Variants in FAM3D observed in about 807,000 individuals in gnomAD.
FAM3D encodes the protein FAM3 metabolism regulating signaling molecule D.
Under a neutral mutation model 29.8 loss-of-function variants are expected in FAM3D, and 26 were observed. The observed-to-expected ratio is 0.87, with a 90% CI of 0.64 to 1.21. The LOEUF (loss-of-function observed/expected upper bound fraction) is 1.21, where lower values mean the gene tolerates loss of function less well. FAM3D is among the 50% of genes most tolerant of loss of function. FAM3D has a pLI of 0.00. For missense variants in FAM3D, 253 were observed against 290.9 expected, an observed-to-expected ratio of 0.87 and a Z score of 0.95; for synonymous variants, 115 against 102.3, an observed-to-expected ratio of 1.12 and a Z score of -0.75.
rs1317201889 is a variant in FAM3D, at chr3:58,655,566, T to C, written c.-3A>G. On this transcript the variant is annotated 5_prime_UTR_variant, in exon 2 of 10. Coordinates refer to ENST00000358781, the MANE Select transcript of FAM3D (RefSeq NM_138805.3). Reference sequence around the variant, plus strand: ...CAGAGCCTACCTGACACTCTCATCCTGTCCAGGTGAAGGGTGGCTTGGGGT... The same window carrying C: ...CAGAGCCTACCTGACACTCTCATCCCGTCCAGGTGAAGGGTGGCTTGGGGT... 2 of 1,613,320 alleles carry C rather than the reference T, an allele frequency of 1.2e-6. No homozygotes were observed. Among genetic ancestry groups the C allele is most frequent in the Non-Finnish European group, 1.7e-6 (2 of 1,179,656 alleles).
rs9817719 is a variant in FAM3D at position 58,643,803 on chromosome 3, A to G, written c.264-83T>C. ...GCTCTCCCAGCTGGGGAACTCCGTG[A>G]GGACCCACATAAGCAATGCAGAAGC... On this transcript the variant is annotated intron_variant, in intron 5 of 9. Transcript: ENST00000358781. The G allele has an allele frequency of 7.8e-4, 987 of 1,271,620 alleles. 9 individuals are homozygous for G. In the African/African-American group the frequency reaches 0.013, roughly 17 times the overall value. 78.8% of individuals were successfully genotyped at this position (1,271,620 alleles called of 1,614,324 possible).
At chr3:58,654,617 C>T (rs1373405) in intron 2 of FAM3D, among the ~76,000 whole-genome samples, 29,396 of 152,148 alleles carry the variant, frequency 0.19, 3,279 homozygotes, top group East Asian at 0.42. Context: ...CTGAATCAGA[C>T]CCACCCATTC....
intron 1 of FAM3D, among the ~76,000 whole-genome samples, chr3:58,662,318 G>T (rs1867424): frequency 6.6e-6 from 1 of 151,834 alleles, no homozygotes; most frequent in Non-Finnish European, 1.5e-5. Flanking sequence ...TAACCAACGT[G>T]GTGGCCTCCA....
chr3:58,661,285 A>G (rs1181716366), intron 1 of FAM3D, among the ~76,000 whole-genome samples: 1 of 152,150 alleles, frequency 6.6e-6, no homozygotes, highest in East Asian at 1.9e-4. Flanking sequence ...GGCTCAGCCA[A>G]GGTGAGGGAG....
At chr3:58,664,649 C>T (rs1388806904) in intron 1 of FAM3D, among the ~76,000 whole-genome samples, 2 of 152,210 alleles carry the variant, frequency 1.3e-5, no homozygotes, top group South Asian at 2.1e-4. Flanking sequence ...GGCAACTTGC[C>T]TAAGGTCACA....
chr3:58,641,503 C>T (rs1002283545), intron 6 of FAM3D, among the ~76,000 whole-genome samples: 2 of 151,898 alleles, frequency 1.3e-5, no homozygotes, highest in Admixed American at 6.6e-5. Context: ...TACAGGTGTG[C>T]GCCACCACAC....
At chr3:58,664,636 A>G (rs1421338736) in intron 1 of FAM3D, among the ~76,000 whole-genome samples, 2 of 152,248 alleles carry the variant, frequency 1.3e-5, no homozygotes, top group African/African-American at 2.4e-5. Context: ...AGCCAATAAG[A>G]TAGGCAACTT....
rs750817189 is a variant in FAM3D, at chr3:58,649,349, G to A, written c.122-11C>T. 5.6e-6 allele frequency: 9 copies of A among 1,613,722 alleles called. No individual in the cohort carries two copies. The highest frequency in any genetic ancestry group is 7.6e-6 in the Non-Finnish European group (9 of 1,179,800). On this transcript the variant is annotated splice_polypyrimidine_tract_variant and intron_variant, in intron 3 of 9. Transcript: ENST00000358781. ...TGGTGGGCGAGGCTGCTGGAGAGAA[G>A]ACAGAATCTGGTTAGAGGAAAAGCA...
At chr3:58,661,598 T>C (rs1232342050) in intron 1 of FAM3D, among the ~76,000 whole-genome samples, 1 of 152,192 alleles carries the variant, frequency 6.6e-6, no homozygotes, top group Non-Finnish European at 1.5e-5. Context: ...GGCCTGGGAA[T>C]TGGGAGTCTG....
chr3:58,661,626 G>C (rs749356595), intron 1 of FAM3D, among the ~76,000 whole-genome samples: 2 of 152,232 alleles, frequency 1.3e-5, no homozygotes, highest in East Asian at 3.9e-4. Context: ...TGGTGGCTAA[G>C]AGTGGGGGCT....
intron 5 of FAM3D, 56 bp from the exon 6 acceptor site, chr3:58,643,776 C>G: frequency 6.5e-7 from 1 of 1,548,458 alleles, no homozygotes; most frequent in Non-Finnish European, 8.9e-7. Context: ...AATGAACACT[C>G]TGCTCTCCCA....
intron 2 of FAM3D, among the ~76,000 whole-genome samples, chr3:58,654,001 G>A (rs1575488131): frequency 6.6e-6 from 1 of 152,250 alleles, no homozygotes; most frequent in Admixed American, 6.5e-5. Context: ...ATTGCCCCAA[G>A]TGGGTCCCCT....
intron 5 of FAM3D, 31 bp downstream of exon 5, chr3:58,645,478 A>G: frequency 6.9e-7 from 1 of 1,457,902 alleles, no homozygotes; most frequent in African/African-American, 1.4e-5. Flanking sequence ...AAATAAAATA[A>G]AATAAACATA....
At chr3:58,647,008 G>T (rs923146910) in intron 4 of FAM3D, among the ~76,000 whole-genome samples, 27 of 152,268 alleles carry the variant, frequency 1.8e-4, no homozygotes, top group Admixed American at 6.5e-4. Context: ...CTGGTGCCAG[G>T]CTTGGTGAGC....
chr3:58,636,118 C>A (rs1050555735), intron 9 of FAM3D, among the ~76,000 whole-genome samples, 176 bp downstream of exon 9: 8 of 152,202 alleles, frequency 5.3e-5, no homozygotes, highest in Admixed American at 2.6e-4. Context: ...ATGGCCAAGG[C>A]AGCTTCCTGG....
chr3:58,660,066 T>C (rs973194782), intron 1 of FAM3D, among the ~76,000 whole-genome samples: 1 of 152,086 alleles, frequency 6.6e-6, no homozygotes, highest in Non-Finnish European at 1.5e-5. Flanking sequence ...TCTGTGTGCA[T>C]GAGTGCGGGA....
At position 58,635,652 on chromosome 3, in the gene FAM3D, C is replaced by T. The variant is rs540359928; in HGVS notation, c.585+642G>A. ...ACCACACCCGGCCGCCCCCGCCCAC[C>T]GGCCTCCTGCGTTCTTCACTGCGTT... is the stretch of plus-strand genomic sequence containing the variant. On this transcript the variant is annotated intron_variant, in intron 9 of 9. Coordinates refer to ENST00000358781, the MANE Select transcript of FAM3D (RefSeq NM_138805.3). The surrounding 1 kb of genome is among the most constrained non-coding windows in gnomAD (Gnocchi z 5.2). Among the ~76,000 whole-genome samples the T allele has an allele frequency of 3.3e-5, 5 of 152,362 alleles. No homozygotes were observed. The highest frequency in any genetic ancestry group is 6.5e-5 in the Admixed American group (1 of 15,308).
chr3:58,649,540 T>C lies in FAM3D; in HGVS notation c.122-202A>G, dbSNP rs990324547. The C allele has an allele frequency of 2.4e-4, 148 of 614,944 alleles. No homozygotes were observed. In the East Asian group the frequency reaches 4.1e-3, roughly 17 times the overall value. The allele number at this position is 614,944 out of a possible 1,614,324, so 38.1% of individuals were successfully genotyped here. On this transcript the variant is annotated intron_variant, in intron 3 of 9. Transcript: ENST00000358781. ...ACACATATACACAGATACACATGTG[T>C]ACACACACGCACACACATATACACA...
intron 7 of FAM3D, among the ~76,000 whole-genome samples, chr3:58,639,640 C>T (rs1320358059): frequency 1.3e-5 from 2 of 152,206 alleles, no homozygotes; most frequent in Non-Finnish European, 2.9e-5. Flanking sequence ...CATCAAGCAA[C>T]AGCCAGCCCC....
Sources: allele counts gnomAD v4.1 joint callset (sites outside exome capture counted in the v4.1 genomes callset), GRCh38; gene constraint gnomAD v4.1.1; non-coding constraint Gnocchi (gnomAD v3.1); transcripts MANE v1.5; gene names NCBI Gene and HGNC (gene_info 2026-07-23, HGNC 2026-07-21).